The following LYZL4 variants were observed in gnomAD, a reference collection of about 807,000 sequenced individuals.
The protein encoded by LYZL4 is lysozyme like 4.
LYZL4 carries 13 observed loss-of-function variants against 17.6 expected under a neutral mutation model. The ratio of observed to expected loss-of-function variants is 0.74; its 90% CI spans 0.48 to 1.18. The LOEUF (loss-of-function observed/expected upper bound fraction) is 1.18. LYZL4 is among the 50% of genes most tolerant of loss of function. The probability of loss-of-function intolerance (pLI) is 0.00; values close to 1 mark genes in which losing one functional copy is unlikely to be tolerated. For synonymous variants in LYZL4, 64 were observed against 67.7 expected (o/e 0.95, Z 0.27); for missense variants, 174 against 188.2 (o/e 0.92, Z 0.44).
intron 3 of LYZL4, among the ~76,000 whole-genome samples, chr3:42,405,251 T>C (rs1311587927): frequency 6.6e-6 from 1 of 152,196 alleles, no homozygotes; most frequent in East Asian, 1.9e-4. Context: ...GGTTTCACCG[T>C]GTTAGCCAGG....
At chr3:42,394,527 G>C (rs1698526356), downstream of LYZL4, among the ~76,000 whole-genome samples, 1 of 152,158 alleles carries the variant, frequency 6.6e-6, no homozygotes, top group Non-Finnish European at 1.5e-5. Flanking sequence ...TCGTGTAAAG[G>C]TCTGTGTAAT....
downstream of LYZL4, among the ~76,000 whole-genome samples, chr3:42,394,730 A>G (rs1559452621): frequency 6.6e-6 from 1 of 152,194 alleles, no homozygotes; most frequent in Non-Finnish European, 1.5e-5. Flanking sequence ...GGCTGTTCCA[A>G]TCAATACACT....
the LYZL4 span, among the ~76,000 whole-genome samples, chr3:42,379,457 T>C: frequency 6.6e-6 from 1 of 152,232 alleles, no homozygotes; most frequent in Non-Finnish European, 1.5e-5. Context: ...GGGAGGGGCA[T>C]TGACCTTGCC....
At position 42,404,044 on chromosome 3, in the gene LYZL4, A is replaced by G; in HGVS notation, c.371+2T>C. 2 of 1,596,370 alleles carry G rather than the reference A, an allele frequency of 1.3e-6. No individual in the cohort carries two copies. Among genetic ancestry groups the G allele is most frequent in the Middle Eastern group, 1.7e-4 (1 of 6,036 alleles). ...CAGGCTACATAAAAATGTAAGACTT[A>G]CCATGCTCCCATCCCTTCTTTTCCT... On this transcript the variant is annotated splice_donor_variant, in intron 4 of 4. Transcript: ENST00000287748. LOFTEE classifies it high-confidence loss of function.
chr3:42,393,421 TG>T (rs997222612), downstream of LYZL4, among the ~76,000 whole-genome samples: 22 of 152,168 alleles, frequency 1.4e-4, no homozygotes, highest in African/African-American at 5.3e-4. Flanking sequence ...AAAGTCAGCA[TG>T]GTGCTGGGAA....
the LYZL4 span, among the ~76,000 whole-genome samples, chr3:42,370,197 T>C: frequency 9.9e-5 from 15 of 152,188 alleles, 1 homozygote; most frequent in Non-Finnish European, 2.1e-4. Flanking sequence ...TGGACTTCAG[T>C]ATACTGCAAT....
At chr3:42,364,039 C>A in the LYZL4 span, among the ~76,000 whole-genome samples, 1 of 152,150 alleles carries the variant, frequency 6.6e-6, no homozygotes, top group Non-Finnish European at 1.5e-5. Context: ...TGTGACCCTC[C>A]CAGAACACAA....
At chr3:42,405,249 C>A (rs975993281) in intron 3 of LYZL4, among the ~76,000 whole-genome samples, 7 of 152,154 alleles carry the variant, frequency 4.6e-5, no homozygotes, top group Non-Finnish European at 8.8e-5. Flanking sequence ...GGGGTTTCAC[C>A]GTGTTAGCCA....
At chr3:42,402,671 G>T (rs1698677833) in intron 4 of LYZL4, among the ~76,000 whole-genome samples, 2 of 152,230 alleles carry the variant, frequency 1.3e-5, no homozygotes, top group African/African-American at 4.8e-5. Flanking sequence ...TGATGGCAGT[G>T]TACATTGATA....
chr3:42,407,502 A>C, intron 1 of LYZL4, 159 bp from the exon 2 acceptor site: 1 of 517,262 alleles, frequency 1.9e-6, no homozygotes, highest in East Asian at 3.4e-5. Flanking sequence ...TTGACCTCCT[A>C]TTTTCTAAGG....
chr3:42,366,509 G>T, the LYZL4 span, among the ~76,000 whole-genome samples: 2 of 152,202 alleles, frequency 1.3e-5, no homozygotes, highest in Non-Finnish European at 2.9e-5. Flanking sequence ...CACTGCCTGG[G>T]ATCCTGCTTC....
At chr3:42,378,927 T>C in the LYZL4 span, among the ~76,000 whole-genome samples, 3 of 152,120 alleles carry the variant, frequency 2.0e-5, no homozygotes, top group Non-Finnish European at 2.9e-5. Context: ...GGCCCAAAAA[T>C]CGCACCTAGC....
the LYZL4 span, among the ~76,000 whole-genome samples, chr3:42,384,238 A>G: frequency 6.6e-6 from 1 of 152,220 alleles, no homozygotes; most frequent in Non-Finnish European, 1.5e-5. Context: ...ATCAAGGTGG[A>G]ATGAAGACAT....
intron 3 of LYZL4, among the ~76,000 whole-genome samples, chr3:42,404,496 G>C (rs2125602152): frequency 6.6e-6 from 1 of 152,266 alleles, no homozygotes; most frequent in East Asian, 1.9e-4. Flanking sequence ...CTCAGTCTGG[G>C]ACTTTAAAAG....
chr3:42,366,870 A>G, the LYZL4 span, among the ~76,000 whole-genome samples: 1 of 152,316 alleles, frequency 6.6e-6, no homozygotes, highest in South Asian at 2.1e-4. Flanking sequence ...TAACCTATGA[A>G]CAACCCACAC....
rs376820309 is a variant in LYZL4, at chr3:42,397,305, G to A, written c.401C>T (p.Ser134Phe). ...ATCCAGCCACCGTGCCAGGGTATCG[G>A]AGTACTGGCAGTACCGGGACCAGGT... ...WPTWSRYCQY[S>F]DTLARWLDGC... is the part of the protein sequence containing the mutation. Residue 134 changes from serine (S) to phenylalanine (F), a missense_variant, in exon 5 of 5, where the codon TCC (serine) becomes TTC (phenylalanine). Ser to Phe is a radical substitution (Grantham distance 155). Transcript: ENST00000287748. 8.3e-6 allele frequency: 13 copies of A among 1,573,202 alleles called. No homozygotes were observed. In the African/African-American group the frequency reaches 1.8e-4, roughly 21 times the overall value.
At chr3:42,402,858 C>T (rs1440058706) in intron 4 of LYZL4, among the ~76,000 whole-genome samples, 1 of 152,150 alleles carries the variant, frequency 6.6e-6, no homozygotes, top group East Asian at 1.9e-4. Flanking sequence ...CAAATGCCCA[C>T]AAATAGAGGA....
At chr3:42,399,325 A>T (rs1172168302) in intron 4 of LYZL4, among the ~76,000 whole-genome samples, 1 of 152,220 alleles carries the variant, frequency 6.6e-6, no homozygotes, top group Non-Finnish European at 1.5e-5. Flanking sequence ...CCTTCAAGGG[A>T]TTTCTCTAAG....
chr3:42,379,618 A>G, the LYZL4 span, among the ~76,000 whole-genome samples: 1 of 136,386 alleles, frequency 7.3e-6, no homozygotes, highest in Non-Finnish European at 1.6e-5. Context: ...CTGCTTCATC[A>G]CTGGGAGTTA....
Sources: gnomAD v4.1 joint callset for allele counts (sites outside exome capture counted in the v4.1 genomes callset) on GRCh38, gnomAD v4.1.1 for gene constraint, MANE v1.5 for transcripts, NCBI Gene and HGNC (gene_info 2026-07-23, HGNC 2026-07-21) for gene names.